SPATA17: variants seen among roughly 807,000 people sequenced by gnomAD.
SPATA17 encodes spermatogenesis-associated protein 17.
SPATA17 carries 53 observed loss-of-function variants against 62.2 expected under a neutral mutation model. That is an observed-to-expected ratio of 0.85 (90% CI 0.68 to 1.07). SPATA17 has a LOEUF of 1.07. SPATA17 is among the 50% of genes least tolerant of loss of function. The probability of loss-of-function intolerance (pLI) is 0.00; values close to 1 mark genes in which losing one functional copy is unlikely to be tolerated. For synonymous variants in SPATA17, 146 were observed against 146.8 expected, an observed-to-expected ratio of 0.99 and a Z score of 0.04; for missense variants, 466 against 425.5, an observed-to-expected ratio of 1.10 and a Z score of -0.84.
At chr1:217,801,228 A>G (rs1427073337) in intron 8 of SPATA17, among the ~76,000 whole-genome samples, 2 of 152,200 alleles carry the variant, frequency 1.3e-5, no homozygotes, top group African/African-American at 4.8e-5. Context: ...ATGTGATTAC[A>G]GGTCTGGCTG....
chr1:217,725,672 AG>A (rs1225116433), intron 5 of SPATA17, among the ~76,000 whole-genome samples: 1 of 152,166 alleles, frequency 6.6e-6, no homozygotes, highest in Non-Finnish European at 1.5e-5. Context: ...CATGTTGGCC[AG>A]GCTGGTCTCA....
At chr1:217,814,232 A>G (rs953397232) in intron 9 of SPATA17, among the ~76,000 whole-genome samples, 1 of 152,248 alleles carries the variant, frequency 6.6e-6, no homozygotes, top group African/African-American at 2.4e-5. Flanking sequence ...ACAAATTTTT[A>G]CAAAGAAGCA....
chr1:217,670,101 A>C lies in SPATA17; in HGVS notation c.291+1018A>C, dbSNP rs575990457. Among the ~76,000 whole-genome samples, 5 of 152,292 alleles carry C rather than the reference A, an allele frequency of 3.3e-5. No homozygotes were observed. In the East Asian group the frequency reaches 9.6e-4, roughly 29 times the overall value. On this transcript the variant is annotated intron_variant, in intron 4 of 10. Coordinates refer to ENST00000366933, the MANE Select transcript of SPATA17 (RefSeq NM_138796.4). The stretch of plus-strand genomic sequence containing the variant: ...CTCAGTAATATTCATATAGGAAAAC[A>C]ATTCAATTTTTCTCTTTTAAAGGGA...
chr1:217,700,738 C>T (rs940630462), intron 5 of SPATA17, among the ~76,000 whole-genome samples: 5 of 150,574 alleles, frequency 3.3e-5, no homozygotes, highest in Admixed American at 6.6e-5. Context: ...AGGCATGCGC[C>T]GCCATGGCTA....
chr1:217,857,421 A>G (rs1334165017), intron 9 of SPATA17, among the ~76,000 whole-genome samples: 3 of 152,138 alleles, frequency 2.0e-5, no homozygotes, highest in Non-Finnish European at 2.9e-5. Context: ...TTGGCAGTGG[A>G]TTATTTGTGT....
chr1:217,705,604 C>T (rs1303057531), intron 5 of SPATA17, among the ~76,000 whole-genome samples: 1 of 151,826 alleles, frequency 6.6e-6, no homozygotes, highest in Non-Finnish European at 1.5e-5. Context: ...CTATGCCCAA[C>T]TAATTTTTGT....
chr1:217,806,945 A>G (rs539293138), intron 9 of SPATA17, among the ~76,000 whole-genome samples: 1 of 152,258 alleles, frequency 6.6e-6, no homozygotes, highest in South Asian at 2.1e-4. Context: ...CACATACAGC[A>G]TGGTGATTAT....
At chr1:217,715,977 A>C (rs981513531) in intron 5 of SPATA17, among the ~76,000 whole-genome samples, 1 of 152,206 alleles carries the variant, frequency 6.6e-6, no homozygotes, top group African/African-American at 2.4e-5. Context: ...ATGTTTATGA[A>C]TATGCGTCGA....
At chr1:217,718,669 A>G (rs1170812890) in intron 5 of SPATA17, among the ~76,000 whole-genome samples, 1 of 152,166 alleles carries the variant, frequency 6.6e-6, no homozygotes, top group African/African-American at 2.4e-5. Context: ...GGAAAACAAG[A>G]CACCATGAGT....
intron 9 of SPATA17, among the ~76,000 whole-genome samples, chr1:217,861,042 C>T (rs115257678): frequency 0.013 from 1,962 of 152,204 alleles, 25 homozygotes; most frequent in Non-Finnish European, 0.021. Context: ...AGTCCACTTT[C>T]AAATAACACT....
intron 5 of SPATA17, among the ~76,000 whole-genome samples, chr1:217,685,690 C>T (rs1191711485): frequency 1.3e-5 from 2 of 152,030 alleles, no homozygotes; most frequent in African/African-American, 4.8e-5. Flanking sequence ...CTAACCAGGC[C>T]ATTGTTAATT....
chr1:217,666,471 G>A (rs1008600243), intron 3 of SPATA17, among the ~76,000 whole-genome samples: 6 of 151,198 alleles, frequency 4.0e-5, no homozygotes, highest in Admixed American at 3.9e-4. Flanking sequence ...AAAGTTTGAA[G>A]TGTTTATATG....
At chr1:217,807,560 A>G (rs1674467752) in intron 9 of SPATA17, among the ~76,000 whole-genome samples, 1 of 152,118 alleles carries the variant, frequency 6.6e-6, no homozygotes, top group African/African-American at 2.4e-5. Context: ...TATGTTTTAT[A>G]TCTATAGCTT....
At chr1:217,710,883 A>G (rs764162345) in intron 5 of SPATA17, among the ~76,000 whole-genome samples, 9 of 152,142 alleles carry the variant, frequency 5.9e-5, no homozygotes, top group Non-Finnish European at 7.4e-5. Flanking sequence ...TTCTGGCTCT[A>G]TAAATTTGCT....
At chr1:217,639,345 G>T (rs1042457819) in intron 1 of SPATA17, among the ~76,000 whole-genome samples, 3 of 152,090 alleles carry the variant, frequency 2.0e-5, no homozygotes, top group African/African-American at 7.2e-5. Context: ...TTCATTTGGG[G>T]ATTGGGATGA....
intron 9 of SPATA17, chr1:217,850,583 C>A (rs576074403): frequency 6.3e-7 from 1 of 1,596,486 alleles, no homozygotes; most frequent in Admixed American, 1.7e-5. Flanking sequence ...CACTGGGCTC[C>A]ACTTCAAGGG....
intron 3 of SPATA17, among the ~76,000 whole-genome samples, chr1:217,659,496 C>T (rs1237713292): frequency 6.6e-6 from 1 of 152,026 alleles, no homozygotes; most frequent in African/African-American, 2.4e-5. Flanking sequence ...ATAGTTTTTA[C>T]AATCATTGTC....
chr1:217,770,235 G>T (rs187289825), intron 6 of SPATA17, among the ~76,000 whole-genome samples: 48 of 152,164 alleles, frequency 3.2e-4, no homozygotes, highest in Non-Finnish European at 6.3e-4. Context: ...TCTCTCTCGT[G>T]GTATTCAGAA....
chr1:217,712,751 A>G (rs1571750715), intron 5 of SPATA17, among the ~76,000 whole-genome samples: 1 of 152,176 alleles, frequency 6.6e-6, no homozygotes, highest in East Asian at 1.9e-4. Flanking sequence ...TAGAGCAAAT[A>G]GGGTCTTTTC....
Sources: gnomAD v4.1 joint callset for allele counts (sites outside exome capture counted in the v4.1 genomes callset) on GRCh38, gnomAD v4.1.1 for gene constraint, MANE v1.5 for transcripts, NCBI Gene and HGNC (gene_info 2026-07-23, HGNC 2026-07-21) for gene names.